MYO3A: variants seen among roughly 807,000 people sequenced by gnomAD.
MYO3A encodes the protein myosin-IIIa.
In MYO3A, 180 loss-of-function variants were observed where a neutral mutation model predicts 192.7. That is an observed-to-expected ratio of 0.93 (90% CI 0.83 to 1.06). The LOEUF (loss-of-function observed/expected upper bound fraction) is 1.06, where lower values mean the gene tolerates loss of function less well. MYO3A is among the 50% of genes least tolerant of loss of function. MYO3A has a pLI of 0.00. For missense variants in MYO3A, 1,896 were observed against 1,905.0 expected (o/e 1.00, Z 0.09); for synonymous variants, 628 against 645.3 (o/e 0.97, Z 0.41).
intron 26 of MYO3A, among the ~76,000 whole-genome samples, chr10:26,158,094 A>G (rs1387457412): frequency 2.0e-5 from 3 of 152,144 alleles, no homozygotes; most frequent in Non-Finnish European, 4.4e-5. Flanking sequence ...TCGCCTACCA[A>G]ATCTGCTCTA....
At chr10:25,939,786 CA>C (rs1451655942) in intron 2 of MYO3A, among the ~76,000 whole-genome samples, 6 of 151,994 alleles carry the variant, frequency 3.9e-5, no homozygotes, top group South Asian at 4.1e-4. Context: ...TCCTTACAAA[CA>C]TTTTTTTGTT....
At chr10:25,995,406 C>G (rs575010783) in intron 4 of MYO3A, among the ~76,000 whole-genome samples, 1 of 152,238 alleles carries the variant, frequency 6.6e-6, no homozygotes, top group Admixed American at 6.5e-5. Context: ...AGCCATTTGT[C>G]TAATCTTTTT....
chr10:25,968,336 A>G (rs1167573923), intron 4 of MYO3A, among the ~76,000 whole-genome samples: 1 of 152,238 alleles, frequency 6.6e-6, no homozygotes, highest in Non-Finnish European at 1.5e-5. Flanking sequence ...CAAAATTAAA[A>G]CAGACATTTA....
chr10:26,157,579 T>TA, intron 26 of MYO3A, 64 bp downstream of exon 26: 1 of 1,529,956 alleles, frequency 6.5e-7, no homozygotes, highest in African/African-American at 1.4e-5. Context: ...AGAAGAATTA[T>TA]AAGAAACATA....
intron 4 of MYO3A, among the ~76,000 whole-genome samples, chr10:25,996,204 G>A (rs539988150): frequency 5.3e-4 from 80 of 152,312 alleles, no homozygotes; most frequent in African/African-American, 1.8e-3. Flanking sequence ...CAGCAATGGC[G>A]GGTGCCCCTC....
At chr10:25,980,012 G>A (rs1434650643) in intron 4 of MYO3A, among the ~76,000 whole-genome samples, 1 of 152,158 alleles carries the variant, frequency 6.6e-6, no homozygotes, top group Non-Finnish European at 1.5e-5. Context: ...CAAGGCGGGT[G>A]GATCATGAGG....
At chr10:26,151,879 C>A (rs182748186) in intron 23 of MYO3A, among the ~76,000 whole-genome samples, 1 of 152,218 alleles carries the variant, frequency 6.6e-6, no homozygotes, top group African/African-American at 2.4e-5. Context: ...CACTGCTTGA[C>A]GCACAATGTA....
At chr10:25,937,475 A>T (rs1368063690) in intron 2 of MYO3A, among the ~76,000 whole-genome samples, 3 of 152,218 alleles carry the variant, frequency 2.0e-5, no homozygotes, top group Non-Finnish European at 2.9e-5. Context: ...AGTTCCTCAT[A>T]AAACTCAGGT....
At chr10:26,108,011 A>G (rs1426049388) in intron 17 of MYO3A, among the ~76,000 whole-genome samples, 3 of 152,086 alleles carry the variant, frequency 2.0e-5, no homozygotes, top group African/African-American at 4.8e-5. Context: ...AAAGCATTTA[A>G]GGCTAGAAAT....
At chr10:26,148,868 C>CT (rs1326112291) in intron 23 of MYO3A, among the ~76,000 whole-genome samples, 3 of 151,980 alleles carry the variant, frequency 2.0e-5, no homozygotes, top group Admixed American at 6.6e-5. Flanking sequence ...ATCAGGGTAG[C>CT]TTTTTTTTGT....
intron 31 of MYO3A, among the ~76,000 whole-genome samples, chr10:26,188,935 T>C (rs1842991784): frequency 6.6e-6 from 1 of 152,330 alleles, no homozygotes; most frequent in South Asian, 2.1e-4. Context: ...GCCTCCAGCT[T>C]TGTTCTTTTG....
intron 14 of MYO3A, among the ~76,000 whole-genome samples, chr10:26,082,759 TC>T (rs1564530822): frequency 4.9e-4 from 21 of 43,228 alleles, no homozygotes; most frequent in African/African-American, 1.1e-3. Flanking sequence ...TCTCTTTTTC[TC>T]TCTCTCTCTC....
rs773338465 is a variant in MYO3A, at chr10:26,070,316, AG to A, written c.1276-1del. 1 of 1,612,898 alleles carries A rather than the reference AG, an allele frequency of 6.2e-7. No homozygotes were observed. The highest frequency in any genetic ancestry group is 8.5e-7 in the Non-Finnish European group (1 of 1,179,220). On this transcript the variant is annotated splice_acceptor_variant, in intron 13 of 34. Transcript: ENST00000642920. LOFTEE classifies it high-confidence loss of function. ...TCTCACAGTTTTCTTTTCTATGTAT[AG>A]TGCATTGTTATTTCTGGAGAAAGTG...
intron 29 of MYO3A, 127 bp downstream of exon 29, chr10:26,170,666 TG>T: frequency 2.9e-6 from 3 of 1,019,032 alleles, no homozygotes; most frequent in Non-Finnish European, 4.4e-6. Flanking sequence ...CAAATGTCAG[TG>T]AACACCCAGA....
chr10:26,134,004 A>G (rs1224117915), intron 20 of MYO3A, among the ~76,000 whole-genome samples: 1 of 152,244 alleles, frequency 6.6e-6, no homozygotes, highest in Non-Finnish European at 1.5e-5. Context: ...CCTTATTCTA[A>G]GCTGATACCT....
At chr10:26,154,044 C>T (rs1840954859) in intron 24 of MYO3A, 115 bp downstream of exon 24, 1 of 786,858 alleles carries the variant, frequency 1.3e-6, no homozygotes, top group Non-Finnish European at 2.2e-6. Context: ...TCCCTTTGAT[C>T]TTGCTTTTCT....
chr10:26,130,339 C>G (rs1839459954), intron 20 of MYO3A, among the ~76,000 whole-genome samples: 1 of 152,148 alleles, frequency 6.6e-6, no homozygotes, highest in Non-Finnish European at 1.5e-5. Flanking sequence ...ATCCTGGGCT[C>G]AGGCTCAGCA....
rs768364820 is a variant in MYO3A, at chr10:26,096,659, A to C, written c.1753A>C (p.Lys585Gln). The C allele has an allele frequency of 9.4e-6, 15 of 1,587,388 alleles. No individual in the cohort carries two copies. Among genetic ancestry groups the C allele is most frequent in the Non-Finnish European group, 8.7e-6 (10 of 1,155,752 alleles). ...GTATGAATTAATTGAGCAATGTTTC[A>C]AAGTCATAGGTTTTACAATGGAGGT... ...SQYELIEQCFKVIGFTMEQLG... is the reference protein window; with the variant it reads ...SQYELIEQCFQVIGFTMEQLG... The change falls in exon 17 of 35, where the codon AAA (lysine) becomes CAA (glutamine). Residue 585 changes from lysine to glutamine, a missense_variant. Lys to Gln is a moderately conservative substitution (Grantham distance 53). Coordinates refer to ENST00000642920, the MANE Select transcript of MYO3A (RefSeq NM_017433.5).
At chr10:26,202,193 GA>G (rs542203455) in intron 33 of MYO3A, among the ~76,000 whole-genome samples, 221 of 152,298 alleles carry the variant, frequency 1.5e-3, no homozygotes, top group African/African-American at 5.0e-3. Context: ...GAACAAACAA[GA>G]GCGTTTCTAT....
Sources: allele counts gnomAD v4.1 joint callset (sites outside exome capture counted in the v4.1 genomes callset), GRCh38; gene constraint gnomAD v4.1.1; transcripts MANE v1.5; gene names NCBI Gene and HGNC (gene_info 2026-07-23, HGNC 2026-07-21).